The following RORA variants were observed in gnomAD, a reference collection of about 807,000 sequenced individuals.
RORA encodes nuclear receptor ROR-alpha.
A neutral mutation model predicts 69.5 loss-of-function variants in RORA; 7 were observed. The observed-to-expected ratio is 0.10, with a 90% CI of 0.06 to 0.19. The LOEUF (loss-of-function observed/expected upper bound fraction) is 0.19, where lower values mean the gene tolerates loss of function less well. Among genes scored for constraint, RORA ranks in the 10% least tolerant of loss-of-function variants. The pLI is 1.00. For missense variants in RORA, 457 were observed against 663.0 expected (o/e 0.69, Z 3.41); for synonymous variants, 261 against 240.8 (o/e 1.08, Z -0.78).
At chr15:60,945,740 A>G (rs1307328383) in intron 1 of RORA, among the ~76,000 whole-genome samples, 1 of 152,248 alleles carries the variant, frequency 6.6e-6, no homozygotes, top group Non-Finnish European at 1.5e-5. Context: ...TCACAATGGT[A>G]CATATGCTTG....
chr15:60,763,570 G>C (rs1040979467), intron 1 of RORA, among the ~76,000 whole-genome samples: 23 of 152,232 alleles, frequency 1.5e-4, no homozygotes, highest in Middle Eastern at 3.4e-3. Context: ...TCATTAAGGA[G>C]CCCCAACTGT....
chr15:60,686,385 C>T (rs992851244), intron 1 of RORA, among the ~76,000 whole-genome samples: 7 of 152,176 alleles, frequency 4.6e-5, no homozygotes, highest in Admixed American at 1.3e-4. Flanking sequence ...GTTATTTACT[C>T]GTCCCAAAGT....
At chr15:60,847,879 T>C (rs1240672154) in intron 1 of RORA, 1 of 152,224 alleles carries the variant, frequency 6.6e-6, no homozygotes. Context: ...CAGACAGCAC[T>C]GCTCTAAACA....
intron 2 of RORA, among the ~76,000 whole-genome samples, chr15:60,653,295 A>G (rs1171136080): frequency 8.2e-6 from 1 of 122,626 alleles, no homozygotes; most frequent in Non-Finnish European, 1.7e-5. Context: ...GTACAGGTGC[A>G]TGCGTGTGTG....
At chr15:60,601,741 T>G (rs978880717) in intron 2 of RORA, among the ~76,000 whole-genome samples, 1 of 152,184 alleles carries the variant, frequency 6.6e-6, no homozygotes, top group African/African-American at 2.4e-5. Flanking sequence ...CTTTGATAGC[T>G]TAATAATCTT....
intron 1 of RORA, among the ~76,000 whole-genome samples, chr15:60,835,705 G>C (rs341396): frequency 0.9 from 137,162 of 152,204 alleles, 62,721 homozygotes; most frequent in Non-Finnish European, 0.97. Flanking sequence ...TTACTTCCCT[G>C]TCCAAACTCC....
chr15:60,554,228 G>T (rs2067299032), intron 2 of RORA, among the ~76,000 whole-genome samples: 2 of 152,192 alleles, frequency 1.3e-5, no homozygotes, highest in African/African-American at 4.8e-5. Flanking sequence ...GCTATGACAG[G>T]GCCTGGGGTA....
intron 1 of RORA, among the ~76,000 whole-genome samples, chr15:60,885,573 A>G (rs2073741561): frequency 6.6e-6 from 1 of 152,174 alleles, no homozygotes; most frequent in African/African-American, 2.4e-5. Context: ...ACAGTGATAG[A>G]CAGTCTGGTC....
At chr15:60,597,302 TCAC>T (rs2140539936) in intron 2 of RORA, among the ~76,000 whole-genome samples, 1 of 151,378 alleles carries the variant, frequency 6.6e-6, no homozygotes, top group East Asian at 2.0e-4. Context: ...TGTTTTGTAA[TCAC>T]CACAATAAGG....
chr15:61,222,464 TA>T (rs1193240040), intron 1 of RORA, among the ~76,000 whole-genome samples: 1 of 152,240 alleles, frequency 6.6e-6, no homozygotes, highest in Non-Finnish European at 1.5e-5. Context: ...CCGGCCTGAC[TA>T]AACTGTGAGC....
chr15:60,584,385 C>T (rs1392375169), intron 2 of RORA, among the ~76,000 whole-genome samples: 1 of 152,210 alleles, frequency 6.6e-6, no homozygotes, highest in Non-Finnish European at 1.5e-5. Flanking sequence ...TATCCAGTTA[C>T]ATTAACATTT....
intron 1 of RORA, among the ~76,000 whole-genome samples, chr15:61,090,118 G>A (rs964545412): frequency 1.3e-5 from 2 of 152,228 alleles, no homozygotes; most frequent in African/African-American, 4.8e-5. Flanking sequence ...AGAGAAGGAT[G>A]CAAGAGTTTT....
chr15:61,119,381 TTGTATA>T (rs1423038591), intron 1 of RORA, among the ~76,000 whole-genome samples: 1 of 75,826 alleles, frequency 1.3e-5, no homozygotes, highest in South Asian at 5.6e-4. Context: ...AAATTTTTTT[TTGTATA>T]TGTATATATA....
At chr15:61,137,232 C>T (rs1190733523) in intron 1 of RORA, among the ~76,000 whole-genome samples, 1 of 152,160 alleles carries the variant, frequency 6.6e-6, no homozygotes, top group Non-Finnish European at 1.5e-5. Context: ...TTGAAGACTA[C>T]AAACTCCAAC....
At chr15:60,504,104 A>G (rs953322494) in intron 6 of RORA, among the ~76,000 whole-genome samples, 2 of 151,914 alleles carry the variant, frequency 1.3e-5, no homozygotes, top group Non-Finnish European at 1.5e-5. Flanking sequence ...CCCGGTCTGG[A>G]TCTTCTTTTA....
rs762647839 is a variant in RORA at position 60,503,619 on chromosome 15, T to C, written c.991A>G (p.Ile331Val). Residue 331 changes from isoleucine (I) to valine (V), a missense_variant, in exon 7 of 11, where the codon ATA becomes GTA. By Grantham distance (29) the Ile-to-Val change is conservative (BLOSUM62 3). Around this residue, in one of 3 missense-constraint regions of RORA, gnomAD observed 304 missense variants for 447.4 expected, o/e 0.68. Coordinates refer to ENST00000335670, the MANE Select transcript of RORA (RefSeq NM_134261.3). The stretch of plus-strand genomic sequence containing the variant: ...TTGGCAAACTCCACCACATACTGTA[T>C]AGCTTCTGTAATTTTGATGGCACAC... ...QLCAIKITEA[I>V]QYVVEFAKRI... 6.2e-7 allele frequency: 1 copy of C among 1,614,134 alleles called. No homozygotes were observed. Among genetic ancestry groups the C allele is most frequent in the Non-Finnish European group, 8.5e-7 (1 of 1,180,014 alleles).
chr15:61,104,417 G>A (rs538416686), intron 1 of RORA, among the ~76,000 whole-genome samples: 4 of 152,260 alleles, frequency 2.6e-5, no homozygotes, highest in Non-Finnish European at 5.9e-5. Context: ...GGAGGATGGT[G>A]CCTCTGAGTT....
In RORA at chr15:61,131,275, G is replaced by T. The variant is rs1011882158; in HGVS notation, c.166+97778C>A. 1.3e-5 allele frequency among the ~76,000 whole-genome samples: 2 copies of T among 152,220 alleles called. No homozygotes were observed. Among genetic ancestry groups the T allele is most frequent in the African/African-American group, 4.8e-5 (2 of 41,476 alleles). ...CATCCCACTTGTGATTCAGCAAAAT[G>T]CTTTCACTCTTTGTGTATTTATCTG... On this transcript the variant is annotated intron_variant, in intron 1 of 10. Coordinates refer to ENST00000335670, the MANE Select transcript of RORA (RefSeq NM_134261.3). This position sits in a 1 kb window ranked among gnomAD's most constrained non-coding sequence, Gnocchi z 4.2.
intron 1 of RORA, among the ~76,000 whole-genome samples, chr15:61,105,376 GATTA>G (rs1055999543): frequency 6.6e-6 from 1 of 152,106 alleles, no homozygotes; most frequent in African/African-American, 2.4e-5. Context: ...TTAATTATTA[GATTA>G]ATTAATAATT....
Sources: gnomAD v4.1 joint callset for allele counts (sites outside exome capture counted in the v4.1 genomes callset) on GRCh38, gnomAD v4.1.1 for gene constraint, gnomAD v4.1.1 regional missense constraint, Gnocchi (gnomAD v3.1) non-coding constraint, MANE v1.5 for transcripts, NCBI Gene and HGNC (gene_info 2026-07-23, HGNC 2026-07-21) for gene names.